The following CALN1 variants were observed in gnomAD, a reference collection of about 807,000 sequenced individuals.
CALN1 encodes the protein calcium-binding protein 8.
Under a neutral mutation model 30.6 loss-of-function variants are expected in CALN1, and 17 were observed. That is an observed-to-expected ratio of 0.56 (90% CI 0.38 to 0.83). The LOEUF (loss-of-function observed/expected upper bound fraction) is 0.83. CALN1 is among the 40% of genes least tolerant of loss of function. CALN1 has a pLI of 0.00. For missense variants in CALN1, 291 were observed against 354.9 expected (o/e 0.82, Z 1.45); for synonymous variants, 156 against 131.4 (o/e 1.19, Z -1.28).
chr7:72,010,086 A>G (rs1323331271), intron 5 of CALN1, among the ~76,000 whole-genome samples: 1 of 152,214 alleles, frequency 6.6e-6, no homozygotes, highest in Non-Finnish European at 1.5e-5. Context: ...CATTGCAGGG[A>G]TAAAGAGCCT....
chr7:72,148,140 A>T (rs1443401406), intron 3 of CALN1, among the ~76,000 whole-genome samples: 2 of 139,494 alleles, frequency 1.4e-5, no homozygotes. Context: ...CAAACAAACA[A>T]ACAGAAAAAA....
At chr7:72,115,707 C>CAG (rs2129541855) in intron 3 of CALN1, among the ~76,000 whole-genome samples, 1 of 151,926 alleles carries the variant, frequency 6.6e-6, no homozygotes, top group South Asian at 2.1e-4. Flanking sequence ...AGGCTGGTCT[C>CAG]AAACTCCTGG....
At chr7:72,348,182 AGTTT>A (rs890384022) in intron 2 of CALN1, among the ~76,000 whole-genome samples, 3 of 152,224 alleles carry the variant, frequency 2.0e-5, no homozygotes, top group African/African-American at 7.2e-5. Context: ...ATAGTAAGTT[AGTTT>A]CCTTCCCACT....
chr7:71,960,132 CAAAAATAA>C (rs1797164482), intron 5 of CALN1, among the ~76,000 whole-genome samples: 2 of 100,358 alleles, frequency 2.0e-5, no homozygotes, highest in Non-Finnish European at 3.8e-5. Flanking sequence ...GACTCCATCT[CAAAAATAA>C]ATAAATAAAT....
intron 5 of CALN1, among the ~76,000 whole-genome samples, chr7:71,912,821 T>C (rs964657476): frequency 3.9e-5 from 6 of 152,188 alleles, no homozygotes; most frequent in Non-Finnish European, 8.8e-5. Flanking sequence ...CTGGCAGTAC[T>C]GAGTTTGGTT....
chr7:72,008,597 A>G (rs1178656330), intron 5 of CALN1, among the ~76,000 whole-genome samples: 1 of 152,102 alleles, frequency 6.6e-6, no homozygotes, highest in East Asian at 1.9e-4. Context: ...CAAAATCACT[A>G]AAATAGACAA....
At chr7:72,302,473 A>C (rs1381835237) in intron 2 of CALN1, among the ~76,000 whole-genome samples, 1 of 152,138 alleles carries the variant, frequency 6.6e-6, no homozygotes, top group Non-Finnish European at 1.5e-5. Context: ...TCAAAATCCA[A>C]TCAAGACAGA....
intron 3 of CALN1, among the ~76,000 whole-genome samples, chr7:72,121,072 T>C (rs931971106): frequency 2.0e-5 from 3 of 147,146 alleles, no homozygotes; most frequent in African/African-American, 7.4e-5. Context: ...ATTATATATC[T>C]ATATTATAAC....
chr7:72,043,468 TAG>T (rs1802260196), intron 4 of CALN1, among the ~76,000 whole-genome samples: 1 of 152,188 alleles, frequency 6.6e-6, no homozygotes, highest in African/African-American at 2.4e-5. Flanking sequence ...CAGTTAACCA[TAG>T]CAGAGTAAGA....
At chr7:71,873,710 A>C (rs925650615) in intron 5 of CALN1, among the ~76,000 whole-genome samples, 2 of 152,234 alleles carry the variant, frequency 1.3e-5, no homozygotes, top group African/African-American at 4.8e-5. Flanking sequence ...GCCAGGCCCC[A>C]AAAATCTGTA....
intron 2 of CALN1, among the ~76,000 whole-genome samples, chr7:72,380,166 C>T (rs1804800827): frequency 6.6e-6 from 1 of 152,146 alleles, no homozygotes; most frequent in Non-Finnish European, 1.5e-5. Context: ...AGAGAAGATT[C>T]CACTTAGGTT....
At chr7:72,035,134 A>C (rs1166351186) in intron 4 of CALN1, among the ~76,000 whole-genome samples, 2 of 152,158 alleles carry the variant, frequency 1.3e-5, no homozygotes. Context: ...TATAAAATGT[A>C]CCATCACAAC....
intron 2 of CALN1, among the ~76,000 whole-genome samples, chr7:72,354,889 CTTT>C (rs543873177): frequency 3.8e-4 from 55 of 144,054 alleles, no homozygotes; most frequent in African/African-American, 1.2e-3. Context: ...GCAAAAATTT[CTTT>C]TTTTTTTTCT....
At chr7:72,469,996 A>G in the CALN1 span, among the ~76,000 whole-genome samples, 1 of 152,124 alleles carries the variant, frequency 6.6e-6, no homozygotes, top group Non-Finnish European at 1.5e-5. Context: ...CCAGTGTAGA[A>G]TTACTCCCTT....
the CALN1 span, among the ~76,000 whole-genome samples, chr7:72,500,980 A>C: frequency 6.6e-6 from 1 of 152,144 alleles, no homozygotes; most frequent in African/African-American, 2.4e-5. Context: ...GTTAATAATA[A>C]AATTTTGCAT....
chr7:72,305,923 G>T (rs1585424801), intron 2 of CALN1, among the ~76,000 whole-genome samples: 1 of 152,062 alleles, frequency 6.6e-6, no homozygotes, highest in Non-Finnish European at 1.5e-5. Flanking sequence ...AAGCTCTCTG[G>T]TATCTCTACT....
chr7:71,838,327 C>A (rs1053263434), intron 5 of CALN1, among the ~76,000 whole-genome samples: 4 of 152,152 alleles, frequency 2.6e-5, no homozygotes, highest in African/African-American at 7.2e-5. Flanking sequence ...GCAGGAAAAT[C>A]TTTTCTCATG....
At chr7:72,236,992 T>A (rs1486647591) in intron 3 of CALN1, among the ~76,000 whole-genome samples, 2 of 151,864 alleles carry the variant, frequency 1.3e-5, no homozygotes, top group African/African-American at 4.8e-5. Context: ...ATTTTTATTT[T>A]TTTTTTTTTG....
chr7:72,179,678 T>C (rs1789617861), intron 3 of CALN1, among the ~76,000 whole-genome samples: 1 of 152,204 alleles, frequency 6.6e-6, no homozygotes, highest in Admixed American at 6.5e-5. Flanking sequence ...AATCGCCATA[T>C]AACCATAACT....
Sources: gnomAD v4.1 joint callset for allele counts (sites outside exome capture counted in the v4.1 genomes callset) on GRCh38, gnomAD v4.1.1 for gene constraint, MANE v1.5 for transcripts, NCBI Gene and HGNC (gene_info 2026-07-23, HGNC 2026-07-21) for gene names.